The following ADGRL3 variants were observed in gnomAD, a reference collection of about 807,000 sequenced individuals.
ADGRL3 encodes adhesion G protein-coupled receptor L3, also known as calcium-independent alpha-latrotoxin receptor 3.
ADGRL3 carries 62 observed loss-of-function variants against 153.5 expected under a neutral mutation model. That is an observed-to-expected ratio of 0.40 (90% confidence interval 0.33 to 0.50). ADGRL3 has a LOEUF of 0.50. ADGRL3 is among the 20% of genes least tolerant of loss of function. The pLI is 0.47. For missense variants in ADGRL3, 1,641 were observed against 1,859.4 expected, an observed-to-expected ratio of 0.88 and a Z score of 2.16; for synonymous variants, 710 against 672.5, an observed-to-expected ratio of 1.06 and a Z score of -0.86.
chr4:61,961,026 A>T (rs946907386), intron 17 of ADGRL3, among the ~76,000 whole-genome samples: 16 of 152,130 alleles, frequency 1.1e-4, no homozygotes, highest in Non-Finnish European at 1.9e-4. Context: ...ACATTAAAAT[A>T]AATCTGTATT....
intron 13 of ADGRL3, among the ~76,000 whole-genome samples, chr4:61,916,236 CA>C (rs1295018109): frequency 2.0e-5 from 3 of 151,702 alleles, no homozygotes; most frequent in East Asian, 1.9e-4. Context: ...GTTTTAACAA[CA>C]AAAAAAATTA....
chr4:61,326,110 G>A (rs190934207), intron 1 of ADGRL3, among the ~76,000 whole-genome samples: 6 of 152,168 alleles, frequency 3.9e-5, no homozygotes, highest in African/African-American at 1.4e-4. Flanking sequence ...TGGATTTTAT[G>A]TTACTCATTC....
chr4:62,063,501 C>G, intron 25 of ADGRL3: 1 of 680,426 alleles, frequency 1.5e-6, no homozygotes, highest in Non-Finnish European at 2.7e-6. Context: ...TGGGGCTGCT[C>G]CAGGAGCCAT....
At chr4:61,992,459 A>G (rs2099106901) in intron 19 of ADGRL3, among the ~76,000 whole-genome samples, 1 of 152,168 alleles carries the variant, frequency 6.6e-6, no homozygotes, top group Admixed American at 6.5e-5. Flanking sequence ...GCAAATTTTT[A>G]AGGTAGTTAA....
chr4:61,387,448 A>G lies in ADGRL3; in HGVS notation c.-174+4259A>G, dbSNP rs148744352. On this transcript the variant is annotated intron_variant, in intron 2 of 26. Coordinates refer to ENST00000683033, the MANE Select transcript of ADGRL3 (RefSeq NM_001387552.1). Reference sequence around the variant, plus strand: ...TCTTCATAATAAACCTGGGATCACTATGGGAGACTGGAGTTTATTTCATCT... The same window carrying G: ...TCTTCATAATAAACCTGGGATCACTGTGGGAGACTGGAGTTTATTTCATCT... 8.0e-3 allele frequency among the ~76,000 whole-genome samples: 1,215 copies of G among 152,212 alleles called. 11 individuals carry two copies. Among genetic ancestry groups the G allele is most frequent in the Non-Finnish European group, 9.7e-3 (658 of 67,998 alleles).
At position 61,583,356 on chromosome 4, in the gene ADGRL3, G is replaced by A. The variant is rs148743249; in HGVS notation, c.260-3871G>A. Among the ~76,000 whole-genome samples the A allele has an allele frequency of 2.2e-3, 333 of 152,018 alleles. 1 individual carries two copies. The highest frequency in any genetic ancestry group is 6.8e-3 in the Middle Eastern group (2 of 294). On this transcript the variant is annotated intron_variant, in intron 4 of 26. Coordinates refer to ENST00000683033, the MANE Select transcript of ADGRL3 (RefSeq NM_001387552.1). ...GTTCATCAAGGCCTTATAGCATATC[G>A]AGTCAAAAAGCACCAAATAGGCTTA...
At chr4:61,476,879 A>G (rs1251301038) in intron 2 of ADGRL3, among the ~76,000 whole-genome samples, 15 of 151,890 alleles carry the variant, frequency 9.9e-5, no homozygotes, top group Admixed American at 9.2e-4. Flanking sequence ...CTGGCCGGCA[A>G]TGACTCTTGT....
intron 4 of ADGRL3, among the ~76,000 whole-genome samples, chr4:61,532,462 C>G (rs1194483390): frequency 6.6e-6 from 1 of 151,858 alleles, no homozygotes; most frequent in Admixed American, 6.6e-5. Flanking sequence ...ATCATTGACC[C>G]CAGGGGTCAG....
At chr4:61,586,616 G>T (rs1190188562) in intron 4 of ADGRL3, among the ~76,000 whole-genome samples, 1 of 152,006 alleles carries the variant, frequency 6.6e-6, no homozygotes, top group Non-Finnish European at 1.5e-5. Context: ...CTCCACATGG[G>T]TAACTAATTA....
At chr4:61,436,422 G>C (rs1407836691) in intron 2 of ADGRL3, among the ~76,000 whole-genome samples, 2 of 152,172 alleles carry the variant, frequency 1.3e-5, no homozygotes, top group Non-Finnish European at 2.9e-5. Flanking sequence ...ATACCAGCTG[G>C]TAATTATTAT....
intron 1 of ADGRL3, among the ~76,000 whole-genome samples, chr4:61,213,682 A>G (rs1168508536): frequency 1.3e-5 from 2 of 152,116 alleles, no homozygotes. Context: ...GTTATCTCCA[A>G]TTTCTCAATG....
chr4:61,283,427 T>C (rs567992733), intron 1 of ADGRL3, among the ~76,000 whole-genome samples: 1 of 152,122 alleles, frequency 6.6e-6, no homozygotes. Context: ...GTTCTTCAAT[T>C]CCATCTTTTT....
intron 26 of ADGRL3, 78 bp downstream of exon 26, chr4:62,068,261 T>C (rs778162542): frequency 3.0e-6 from 4 of 1,322,288 alleles, no homozygotes; most frequent in Non-Finnish European, 4.1e-6. Flanking sequence ...ATATAGATGA[T>C]GTAGTTATTA....
intron 9 of ADGRL3, among the ~76,000 whole-genome samples, chr4:61,889,698 G>A (rs538439813): frequency 1.3e-5 from 2 of 152,132 alleles, no homozygotes; most frequent in East Asian, 3.9e-4. Context: ...TTAAATAGAG[G>A]ACAAAGATAT....
intron 1 of ADGRL3, among the ~76,000 whole-genome samples, chr4:61,211,340 TCTGA>T (rs1739918265): frequency 6.6e-6 from 1 of 152,160 alleles, no homozygotes; most frequent in Admixed American, 6.5e-5. Context: ...TTTCTTTTTC[TCTGA>T]CTGCTGGATT....
intron 2 of ADGRL3, among the ~76,000 whole-genome samples, chr4:61,436,310 C>A (rs994164925): frequency 6.6e-6 from 1 of 152,198 alleles, no homozygotes; most frequent in East Asian, 1.9e-4. Flanking sequence ...TAGGAAAAAA[C>A]TGAAGATTTA....
intron 17 of ADGRL3, among the ~76,000 whole-genome samples, chr4:61,976,717 G>A (rs1406774814): frequency 6.6e-6 from 1 of 152,088 alleles, no homozygotes; most frequent in African/African-American, 2.4e-5. Context: ...TCTCTTGCCT[G>A]CTGCCTTGTA....
chr4:62,032,992 TAAAAAC>T (rs1485996690), intron 23 of ADGRL3, among the ~76,000 whole-genome samples: 1 of 151,628 alleles, frequency 6.6e-6, no homozygotes, highest in Non-Finnish European at 1.5e-5. Flanking sequence ...TTTAAAAAAA[TAAAAAC>T]AAAATAAAAT....
chr4:61,206,464 G>A (rs1265306091), intron 1 of ADGRL3, among the ~76,000 whole-genome samples: 4 of 152,136 alleles, frequency 2.6e-5, no homozygotes, highest in Non-Finnish European at 5.9e-5. Context: ...CCTTTCAGAG[G>A]AAATGTGAAA....
Sources: gnomAD v4.1 joint callset for allele counts (sites outside exome capture counted in the v4.1 genomes callset) on GRCh38, gnomAD v4.1.1 for gene constraint, MANE v1.5 for transcripts, NCBI Gene and HGNC (gene_info 2026-07-23, HGNC 2026-07-21) for gene names.